Variants in ZBTB7C observed in about 807,000 individuals in gnomAD.
ZBTB7C encodes zinc finger and BTB domain containing 7C.
Under a neutral mutation model 25.7 loss-of-function variants are expected in ZBTB7C, and 8 were observed. The ratio of observed to expected loss-of-function variants is 0.31; its 90% CI spans 0.18 to 0.56. ZBTB7C has a LOEUF of 0.56. ZBTB7C is among the 20% of genes least tolerant of loss of function. The pLI, the probability that ZBTB7C is intolerant of heterozygous loss-of-function variation, is 0.91. For synonymous variants in ZBTB7C, 394 were observed against 369.0 expected, an observed-to-expected ratio of 1.07 and a Z score of -0.78; for missense variants, 824 against 855.2, an observed-to-expected ratio of 0.96 and a Z score of 0.46.
chr18:48,274,389 C>G (rs933733957), intron 2 of ZBTB7C, among the ~76,000 whole-genome samples: 1 of 152,072 alleles, frequency 6.6e-6, no homozygotes, highest in Non-Finnish European at 1.5e-5. Context: ...AAGTTAGGGT[C>G]AAAGGTTCAC....
intron 2 of ZBTB7C, chr18:48,203,477 T>C (rs946330287): frequency 7.2e-5 from 11 of 152,230 alleles, no homozygotes; most frequent in Non-Finnish European, 1.0e-4. Context: ...ACTGTAGGAA[T>C]GTTCTGCAGT....
chr18:48,253,991 GC>G (rs948759748), intron 2 of ZBTB7C, among the ~76,000 whole-genome samples: 20 of 152,214 alleles, frequency 1.3e-4, no homozygotes, highest in African/African-American at 4.8e-4. Context: ...ATACCAACCA[GC>G]CTGAAGACCC....
At chr18:48,139,369 A>C (rs543177337) in intron 3 of ZBTB7C, among the ~76,000 whole-genome samples, 4 of 152,132 alleles carry the variant, frequency 2.6e-5, no homozygotes, top group African/African-American at 9.7e-5. Flanking sequence ...GCACCTTTTC[A>C]AACCCAGCTG....
intron 3 of ZBTB7C, among the ~76,000 whole-genome samples, chr18:48,127,448 G>A (rs1022045430): frequency 6.6e-6 from 1 of 152,224 alleles, no homozygotes; most frequent in Non-Finnish European, 1.5e-5. Flanking sequence ...TGGCTAAATG[G>A]ATGACAACTC....
At chr18:48,052,550 G>C (rs556239830) in intron 3 of ZBTB7C, among the ~76,000 whole-genome samples, 1 of 152,212 alleles carries the variant, frequency 6.6e-6, no homozygotes, top group Admixed American at 6.5e-5. Context: ...TGCTGGCCCT[G>C]GGGACTTTAC....
chr18:48,076,504 T>C (rs1220087766), intron 3 of ZBTB7C, among the ~76,000 whole-genome samples: 1 of 152,080 alleles, frequency 6.6e-6, no homozygotes, highest in Admixed American at 6.6e-5. Flanking sequence ...TGGTCCCAAA[T>C]AGAAAAGCAA....
intron 2 of ZBTB7C, among the ~76,000 whole-genome samples, chr18:48,188,387 A>C (rs2042114698): frequency 6.6e-6 from 1 of 152,224 alleles, no homozygotes; most frequent in African/African-American, 2.4e-5. Flanking sequence ...AGTGAAGAGG[A>C]GGAAAAGCCC....
chr18:48,292,582 G>A (rs2045263662), intron 2 of ZBTB7C, among the ~76,000 whole-genome samples: 1 of 152,196 alleles, frequency 6.6e-6, no homozygotes, highest in Non-Finnish European at 1.5e-5. Context: ...TGCTGTCTAT[G>A]CCTCATGCTC....
At chr18:48,294,821 T>C (rs2045342168) in intron 2 of ZBTB7C, among the ~76,000 whole-genome samples, 1 of 152,134 alleles carries the variant, frequency 6.6e-6, no homozygotes, top group Non-Finnish European at 1.5e-5. Context: ...AAGTGAGTTA[T>C]TAGTTCCCAA....
chr18:48,223,970 A>G (rs972589141), intron 2 of ZBTB7C, among the ~76,000 whole-genome samples: 3 of 152,220 alleles, frequency 2.0e-5, no homozygotes, highest in Non-Finnish European at 4.4e-5. Flanking sequence ...AAGGCCTTAT[A>G]AAAGTTGTGA....
intron 2 of ZBTB7C, among the ~76,000 whole-genome samples, chr18:48,239,958 T>G (rs2043480739): frequency 6.6e-6 from 1 of 151,900 alleles, no homozygotes; most frequent in East Asian, 1.9e-4. Context: ...CTTAAAGAAA[T>G]TTTAAAAATA....
At chr18:48,406,241 C>G (rs2048279002) in intron 1 of ZBTB7C, among the ~76,000 whole-genome samples, 1 of 151,952 alleles carries the variant, frequency 6.6e-6, no homozygotes. Flanking sequence ...GGGCAGGGAA[C>G]AAAAATGCCC....
chr18:48,147,270 G>A (rs1297182168), intron 3 of ZBTB7C, among the ~76,000 whole-genome samples: 2 of 152,158 alleles, frequency 1.3e-5, no homozygotes, highest in Non-Finnish European at 2.9e-5. Flanking sequence ...TAGAAAGAGG[G>A]TTTCATCATG....
At chr18:48,411,971 T>C (rs2145357288), upstream of ZBTB7C, among the ~76,000 whole-genome samples, 1 of 152,362 alleles carries the variant, frequency 6.6e-6, no homozygotes, top group African/African-American at 2.4e-5. Context: ...CAATAATTAA[T>C]AGAATTTACT....
At chr18:48,376,354 C>A (rs1228749133) in intron 1 of ZBTB7C, among the ~76,000 whole-genome samples, 1 of 152,208 alleles carries the variant, frequency 6.6e-6, no homozygotes, top group African/African-American at 2.4e-5. Context: ...CCGGGCCTCT[C>A]CAGCCACGCT....
rs529871880 is a variant in ZBTB7C at position 48,386,161 on chromosome 18, T to C, written c.-304+23065A>G. On this transcript the variant is annotated intron_variant, in intron 1 of 4. Transcript: ENST00000590800. Reference sequence around the variant, plus strand: ...TGAACTCTGACTGTCAAAAAAGGCTTCTCCATCCATCCCAAGGATAATCAG... The same window carrying C: ...TGAACTCTGACTGTCAAAAAAGGCTCCTCCATCCATCCCAAGGATAATCAG... Among the ~76,000 whole-genome samples the C allele has an allele frequency of 2.4e-3, 362 of 152,280 alleles. 4 individuals carry two copies. The highest frequency in any genetic ancestry group is 3.9e-3 in the Non-Finnish European group (262 of 68,030).
intron 1 of ZBTB7C, among the ~76,000 whole-genome samples, chr18:48,369,418 T>C (rs2047334626): frequency 6.6e-6 from 1 of 152,074 alleles, no homozygotes; most frequent in African/African-American, 2.4e-5. Context: ...TTAAATTGCA[T>C]ACTTAAGCCC....
At chr18:48,092,119 T>C (rs554752339) in intron 3 of ZBTB7C, among the ~76,000 whole-genome samples, 7 of 152,350 alleles carry the variant, frequency 4.6e-5, no homozygotes, top group Admixed American at 4.6e-4. Flanking sequence ...CAAGTGCTTG[T>C]TTCTCCATAG....
At chr18:48,042,589 G>A (rs1007932638) in intron 3 of ZBTB7C, among the ~76,000 whole-genome samples, 1 of 152,144 alleles carries the variant, frequency 6.6e-6, no homozygotes, top group African/African-American at 2.4e-5. Context: ...AGTGTGAGTG[G>A]GCACTGGGAA....
Sources: allele counts gnomAD v4.1 joint callset (sites outside exome capture counted in the v4.1 genomes callset), GRCh38; gene constraint gnomAD v4.1.1; transcripts MANE v1.5; gene names NCBI Gene and HGNC (gene_info 2026-07-23, HGNC 2026-07-21).